PHC3: variants seen among roughly 807,000 people sequenced by gnomAD.
The protein encoded by PHC3 is polyhomeotic-like protein 3.
A neutral mutation model predicts 107.4 loss-of-function variants in PHC3; 13 were observed. The ratio of observed to expected loss-of-function variants is 0.12; its 90% CI spans 0.08 to 0.19. The LOEUF is 0.19. PHC3 is among the 10% of genes least tolerant of loss of function. The probability of loss-of-function intolerance (pLI) is 1.00; values close to 1 mark genes in which losing one functional copy is unlikely to be tolerated. For missense variants in PHC3, 992 were observed against 1,210.9 expected (o/e 0.82, Z 2.68); for synonymous variants, 456 against 427.4 (o/e 1.07, Z -0.83).
In PHC3 at chr3:170,094,208, C is replaced by A. The variant is rs1714403406; in HGVS notation, c.*3022G>T. 6.6e-6 allele frequency: 1 copy of A among 152,192 alleles called. No individual in the cohort carries two copies. Among genetic ancestry groups the A allele is most frequent in the Non-Finnish European group, 1.5e-5 (1 of 68,034 alleles). The allele number at this position is 152,192 out of a possible 1,614,324, so 9.4% of individuals were successfully genotyped here. On this transcript the variant is annotated 3_prime_UTR_variant, in exon 15 of 15. Transcript: ENST00000495893. ...TCTATCTCATACTATATTGACTACT[C>A]AAAGCTGCATAGCTGTGTCTTACAC...
rs376991429 is a variant in PHC3 at position 170,171,438 on chromosome 3, T to C, written c.349A>G (p.Ser117Gly). ...SLAAVQASLS[S>G]GRPSTSPTGS... ...GTGGGAGATGTAGATGGTCTTCCAC[T>C]GGACAAACTTGCCTAAAATAGTAAG... Residue 117 changes from serine (S) to glycine (G), a missense_variant, in exon 4 of 15, where the codon AGT (serine) becomes GGT (glycine). By Grantham distance (56) the Ser-to-Gly change is moderately conservative. This residue lies in a region of PHC3 where 161 missense variants were observed against 183.7 expected (regional missense o/e 0.88). Transcript: ENST00000495893. 21 of 1,598,366 alleles carry C rather than the reference T, an allele frequency of 1.3e-5. No homozygotes were observed. The African/African-American group carries it at 1.7e-4, about 13-fold the overall frequency.
rs1036906822 is a variant in PHC3, at chr3:170,091,613, G to A, written c.*5617C>T. ...TAAACATGACACTTGGAAGGGGTGT[G>A]TGCATGTGTCTGAGTAGAAAAGCTG... On this transcript the variant is annotated 3_prime_UTR_variant, in exon 15 of 15. Transcript: ENST00000495893. 2.0e-5 allele frequency: 3 copies of A among 152,156 alleles called. No homozygotes were observed. The highest frequency in any genetic ancestry group is 6.5e-5 in the Admixed American group (1 of 15,276). 9.4% of individuals were successfully genotyped at this position (152,156 alleles called of 1,614,324 possible).
chr3:170,116,518 A>C (rs1417875556), intron 10 of PHC3, among the ~76,000 whole-genome samples: 2 of 152,060 alleles, frequency 1.3e-5, no homozygotes, highest in Non-Finnish European at 2.9e-5. Flanking sequence ...AGTGAGCTGA[A>C]ACAGTGCCAC....
At chr3:170,169,731 G>C (rs1360613495) in intron 4 of PHC3, 1 of 152,008 alleles carries the variant, frequency 6.6e-6, no homozygotes, top group Non-Finnish European at 1.5e-5. Context: ...AGTTTAAAAA[G>C]ATACCTTTTA....
intron 6 of PHC3, among the ~76,000 whole-genome samples, chr3:170,140,650 G>A (rs149461147): frequency 1.8e-4 from 22 of 125,466 alleles, no homozygotes; most frequent in African/African-American, 6.7e-4. Flanking sequence ...CCGGACTGTA[G>A]TGGTGCGATC....
In PHC3 at chr3:170,117,375, G is replaced by C. The variant is rs1470192058; in HGVS notation, c.2044C>G (p.Pro682Ala). The change falls in exon 10 of 15, where the codon CCA (proline) becomes GCA (alanine). Residue 682 changes from proline (P) to alanine (A), a missense_variant. This residue lies in a region of PHC3 where 543 missense variants were observed against 590.8 expected (regional missense o/e 0.92). Coordinates refer to ENST00000495893, the MANE Select transcript of PHC3 (RefSeq NM_024947.4). ...CTGTTACTCCTTGTGGTGGCAGCTG[G>C]AAGTAACAATGGAGGTGGTGGAACA... Reference protein sequence around the residue: ...VSVPPPPLLLPAATTRSNSTS... With the variant: ...VSVPPPPLLLAAATTRSNSTS... 1 of 1,613,734 alleles carries C rather than the reference G, an allele frequency of 6.2e-7. No individual in the cohort carries two copies. The highest frequency in any genetic ancestry group is 8.5e-7 in the Non-Finnish European group (1 of 1,179,860).
chr3:170,155,676 G>C (rs757839975), intron 4 of PHC3, among the ~76,000 whole-genome samples: 2 of 152,034 alleles, frequency 1.3e-5, no homozygotes, highest in Non-Finnish European at 2.9e-5. Context: ...AGCCGAGATT[G>C]CAGCACTGCA....
At chr3:170,171,216 G>T in intron 4 of PHC3, 157 bp downstream of exon 4, 1 of 604,116 alleles carries the variant, frequency 1.7e-6, no homozygotes, top group South Asian at 2.4e-5. Flanking sequence ...CATTAGTTCT[G>T]AATTCTTGAA....
chr3:170,097,034 C>T lies in PHC3; in HGVS notation c.*196G>A. 2.3e-6 allele frequency: 1 copy of T among 442,566 alleles called. No individual in the cohort carries two copies. The allele number at this position is 442,566 out of a possible 1,614,324, so 27.4% of individuals were successfully genotyped here. On this transcript the variant is annotated 3_prime_UTR_variant, in exon 15 of 15. Coordinates refer to ENST00000495893, the MANE Select transcript of PHC3 (RefSeq NM_024947.4). This position sits in a 1 kb window ranked among gnomAD's most constrained non-coding sequence, Gnocchi z 4.1. ...ATGTAACCTGTAAAATTAATTTTAC[C>T]AATGTTTATTAATTATGAAAATGCA...
Position 170,092,753 on chromosome 3 carries a change from T to TA in PHC3, c.*4476dup, listed in dbSNP as rs372776894. ...TTTGACAAATATTCTCCAACTGTAA[T>TA]AAAAGGTTCTCACCTTTTTCAGAAA... On this transcript the variant is annotated 3_prime_UTR_variant, in exon 15 of 15. Coordinates refer to ENST00000495893, the MANE Select transcript of PHC3 (RefSeq NM_024947.4). The TA allele has an allele frequency of 6.5e-4, 99 of 152,318 alleles. 1 individual carries two copies. Among genetic ancestry groups the TA allele is most frequent in the African/African-American group, 2.3e-3 (94 of 41,594 alleles). 9.4% of individuals were successfully genotyped at this position (152,318 alleles called of 1,614,324 possible).
rs563344989 is a variant in PHC3, at chr3:170,129,693, GAA to G, written c.920-143_920-142del. 2.7e-4 allele frequency: 219 copies of G among 799,006 alleles called. 1 individual carries two copies. The African/African-American group carries it at 3.1e-3, about 11-fold the overall frequency. 49.5% of individuals were successfully genotyped at this position (799,006 alleles called of 1,614,324 possible). ...CAAGTTTTCCAAACAAGAGTAATTT[GAA>G]AAAAAAAAAATTTTTTTTTTTGAGA... On this transcript the variant is annotated intron_variant, in intron 7 of 14. Transcript: ENST00000495893.
intron 11 of PHC3, among the ~76,000 whole-genome samples, chr3:170,110,176 A>C (rs1717357321): frequency 6.6e-6 from 1 of 152,186 alleles, no homozygotes; most frequent in South Asian, 2.1e-4. Flanking sequence ...TTATACATAC[A>C]TCCTACAGAC....
intron 7 of PHC3, among the ~76,000 whole-genome samples, chr3:170,132,169 G>C (rs917263084): frequency 6.6e-6 from 1 of 152,044 alleles, no homozygotes; most frequent in African/African-American, 2.4e-5. Context: ...AGAATTAATG[G>C]CTGACATCTC....
At chr3:170,169,248 C>T (rs1045978321) in intron 4 of PHC3, among the ~76,000 whole-genome samples, 2 of 152,108 alleles carry the variant, frequency 1.3e-5, no homozygotes, top group Non-Finnish European at 2.9e-5. Flanking sequence ...GGTTACCTGA[C>T]AGCTGTTTTT....
At position 170,088,175 on chromosome 3, in the gene PHC3, T is replaced by TTTTC. The variant is rs1713685237; in HGVS notation, c.*9051_*9054dup. 1 of 152,160 alleles carries TTTTC rather than the reference T, an allele frequency of 6.6e-6. No individual in the cohort carries two copies. The highest frequency in any genetic ancestry group is 2.1e-4 in the South Asian group (1 of 4,830). The allele number at this position is 152,160 out of a possible 1,614,324, so 9.4% of individuals were successfully genotyped here. A position where few individuals can be genotyped will look rare whatever the true frequency, so the allele number is the denominator to read the frequency against. ...ATGTTTTCTGTAAAGATAAAAAATG[T>TTTTC]TTTCTTTCCCCTTGGTGATCTTTGT... On this transcript the variant is annotated 3_prime_UTR_variant, in exon 15 of 15. Coordinates refer to ENST00000495893, the MANE Select transcript of PHC3 (RefSeq NM_024947.4).
Position 170,129,032 on chromosome 3 carries a change from T to C in PHC3, c.1440A>G (p.Pro480=), listed in dbSNP as rs372256033. 301 of 1,612,954 alleles carry C rather than the reference T, an allele frequency of 1.9e-4. No individual in the cohort carries two copies. Among genetic ancestry groups the C allele is most frequent in the Non-Finnish European group, 2.5e-4 (291 of 1,179,434 alleles). ...GGGATACCAAGGCAGACTGCTGAAC[T>C]GGGCCAATGTGTACAACAGGGGAAG... ...LPASPVVHIG[P]VQQSALVSPG... Residue 480 remains proline (P), a synonymous_variant, in exon 8 of 15, where the codon CCA becomes CCG. Transcript: ENST00000495893.
intron 6 of PHC3, among the ~76,000 whole-genome samples, chr3:170,144,158 T>C (rs532212269): frequency 1.8e-4 from 21 of 118,824 alleles, no homozygotes; most frequent in African/African-American, 6.8e-4. Context: ...TGTTTCTACT[T>C]AAAAAAAAAA....
rs2108230626 is a variant in PHC3, at chr3:170,093,308, G to C, written c.*3922C>G. 1 of 152,306 alleles carries C rather than the reference G, an allele frequency of 6.6e-6. No individual in the cohort carries two copies. Among genetic ancestry groups the C allele is most frequent in the Middle Eastern group, 3.4e-3 (1 of 294 alleles). 9.4% of individuals were successfully genotyped at this position (152,306 alleles called of 1,614,324 possible). On this transcript the variant is annotated 3_prime_UTR_variant, in exon 15 of 15. Coordinates refer to ENST00000495893, the MANE Select transcript of PHC3 (RefSeq NM_024947.4). ...AGTTTTCATGGTTTTCTTGGAGCTA[G>C]AGGCCTTAGAGAGGTAGTGAGATGA... is the stretch of plus-strand genomic sequence containing the variant.
rs575184917 is a variant in PHC3 at position 170,114,808 on chromosome 3, A to G, written c.2194-1289T>C. Among the ~76,000 whole-genome samples, 76 of 152,328 alleles carry G rather than the reference A, an allele frequency of 5.0e-4. 2 individuals are homozygous for G. The South Asian group carries it at 0.011, about 23-fold the overall frequency. On this transcript the variant is annotated intron_variant, in intron 10 of 14. Transcript: ENST00000495893. ...GCTGGTTAAGTCTCCAATATCTGCC[A>G]CATATGGGGAACAACAGCTTATTGG...
Sources: gnomAD v4.1 joint callset for allele counts (sites outside exome capture counted in the v4.1 genomes callset) on GRCh38, gnomAD v4.1.1 for gene constraint, gnomAD v4.1.1 regional missense constraint, Gnocchi (gnomAD v3.1) non-coding constraint, MANE v1.5 for transcripts, NCBI Gene and HGNC (gene_info 2026-07-23, HGNC 2026-07-21) for gene names.